The following PRKAA2 variants were observed in gnomAD, a reference collection of about 807,000 sequenced individuals.
PRKAA2 encodes protein kinase AMP-activated catalytic subunit alpha 2, also known as 5'-AMP-activated protein kinase catalytic subunit alpha-2.
In PRKAA2, 40 loss-of-function variants were observed where a neutral mutation model predicts 56.3. The ratio of observed to expected loss-of-function variants is 0.71; its 90% confidence interval spans 0.55 to 0.92. The LOEUF (loss-of-function observed/expected upper bound fraction) is 0.92. PRKAA2 is among the 40% of genes least tolerant of loss of function. The probability of loss-of-function intolerance (pLI) is 0.00; values close to 1 mark genes in which losing one functional copy is unlikely to be tolerated. For missense variants in PRKAA2, 542 were observed against 686.9 expected (o/e 0.79, Z 2.36); for synonymous variants, 214 against 234.2 (o/e 0.91, Z 0.79).
intron 1 of PRKAA2, among the ~76,000 whole-genome samples, chr1:56,669,184 C>T (rs1397087252): frequency 2.0e-5 from 3 of 152,106 alleles, no homozygotes; most frequent in Admixed American, 6.6e-5. Context: ...TTTGGCTGGG[C>T]ACGGTGGCTC....
intron 1 of PRKAA2, among the ~76,000 whole-genome samples, chr1:56,645,791 A>G (rs781116912): frequency 2.6e-5 from 4 of 152,134 alleles, no homozygotes; most frequent in Non-Finnish European, 5.9e-5. Context: ...TCTGGACCTC[A>G]GTGTCCTCCT....
intron 1 of PRKAA2, among the ~76,000 whole-genome samples, chr1:56,659,598 G>A (rs549920787): frequency 1.4e-3 from 211 of 151,734 alleles, no homozygotes; most frequent in African/African-American, 4.7e-3. Flanking sequence ...ATATTTTAAA[G>A]TTACAATCTA....
chr1:56,650,767 CGAA>C (rs1300539446), intron 1 of PRKAA2, among the ~76,000 whole-genome samples: 1 of 152,142 alleles, frequency 6.6e-6, no homozygotes, highest in East Asian at 1.9e-4. Flanking sequence ...CAAAGTCTCA[CGAA>C]GAAGTTACCC....
At chr1:56,667,594 C>G (rs867774412) in intron 1 of PRKAA2, among the ~76,000 whole-genome samples, 2 of 152,070 alleles carry the variant, frequency 1.3e-5, no homozygotes, top group African/African-American at 4.8e-5. Flanking sequence ...GATTTAAATA[C>G]TGATTTTGTC....
intron 1 of PRKAA2, among the ~76,000 whole-genome samples, chr1:56,659,218 G>C (rs1643973265): frequency 6.6e-6 from 1 of 151,566 alleles, no homozygotes; most frequent in Admixed American, 6.6e-5. Flanking sequence ...TTATTGGCTG[G>C]GCACGGTGGC....
intron 1 of PRKAA2, among the ~76,000 whole-genome samples, chr1:56,672,198 A>G (rs890067065): frequency 6.6e-6 from 1 of 151,792 alleles, no homozygotes; most frequent in Non-Finnish European, 1.5e-5. Context: ...GGTTACTACA[A>G]CCTCCGCCTC....
chr1:56,679,660 C>T (rs1644139526), intron 2 of PRKAA2, among the ~76,000 whole-genome samples: 1 of 152,072 alleles, frequency 6.6e-6, no homozygotes, highest in Non-Finnish European at 1.5e-5. Flanking sequence ...CAGCTGTTTC[C>T]TCTGCTTGGA....
chr1:56,678,205 G>A (rs568981000), intron 2 of PRKAA2, among the ~76,000 whole-genome samples: 1 of 152,274 alleles, frequency 6.6e-6, no homozygotes, highest in East Asian at 1.9e-4. Context: ...CTCTTTAATT[G>A]TAGATCTGAT....
intron 1 of PRKAA2, among the ~76,000 whole-genome samples, chr1:56,672,974 T>C (rs1644088545): frequency 1.3e-5 from 2 of 152,064 alleles, no homozygotes; most frequent in African/African-American, 4.8e-5. Context: ...GAAATAGCCA[T>C]TAGAAAAGGA....
chr1:56,647,902 C>T (rs1316882430), intron 1 of PRKAA2, among the ~76,000 whole-genome samples: 1 of 151,364 alleles, frequency 6.6e-6, no homozygotes, highest in Non-Finnish European at 1.5e-5. Flanking sequence ...TGGTGGTAGG[C>T]GCCTGTAATC....
chr1:56,651,107 A>G (rs1446248503), intron 1 of PRKAA2, among the ~76,000 whole-genome samples: 1 of 152,184 alleles, frequency 6.6e-6, no homozygotes, highest in Non-Finnish European at 1.5e-5. Flanking sequence ...CCTAAAGGAT[A>G]ACACTGGAGT....
rs948199317 is a variant in PRKAA2 at position 56,710,295 on chromosome 1, C to T, written c.*2582C>T. ...TTCCCAAAGTATATCCTGTGAGATG[C>T]TCCACAGAAAAAATGATTGCATGGA... On this transcript the variant is annotated 3_prime_UTR_variant, in exon 9 of 9. Coordinates refer to ENST00000371244, the MANE Select transcript of PRKAA2 (RefSeq NM_006252.4). 6.6e-6 allele frequency: 1 copy of T among 151,992 alleles called. No individual in the cohort carries two copies. The highest frequency in any genetic ancestry group is 1.5e-5 in the Non-Finnish European group (1 of 67,964). The allele number at this position is 151,992 out of a possible 1,614,324, so 9.4% of individuals were successfully genotyped here. A position where few individuals can be genotyped will look rare whatever the true frequency, so the allele number is the denominator to read the frequency against.
chr1:56,667,665 TAC>T (rs1301260948), intron 1 of PRKAA2, among the ~76,000 whole-genome samples: 1 of 152,128 alleles, frequency 6.6e-6, no homozygotes, highest in African/African-American at 2.4e-5. Context: ...AATTTCCTCA[TAC>T]AGTCATTAAA....
At chr1:56,686,140 AT>A in intron 2 of PRKAA2, among the ~76,000 whole-genome samples, 1 of 152,244 alleles carries the variant, frequency 6.6e-6, no homozygotes, top group African/African-American at 2.4e-5. Flanking sequence ...GACTTATTCT[AT>A]ATGTCCATAC....
intron 1 of PRKAA2, among the ~76,000 whole-genome samples, chr1:56,646,154 G>T (rs942442546): frequency 1.3e-5 from 2 of 152,100 alleles, no homozygotes; most frequent in Admixed American, 6.5e-5. Context: ...CTCGGTTGTT[G>T]GGGGTGACTG....
At chr1:56,697,609 T>C (rs1644267366) in intron 6 of PRKAA2, among the ~76,000 whole-genome samples, 1 of 152,152 alleles carries the variant, frequency 6.6e-6, no homozygotes, top group Non-Finnish European at 1.5e-5. Flanking sequence ...TTAATGACTT[T>C]TCCTTAGAAA....
chr1:56,662,323 T>C (rs1189243664), intron 1 of PRKAA2, among the ~76,000 whole-genome samples: 1 of 152,062 alleles, frequency 6.6e-6, no homozygotes, highest in Non-Finnish European at 1.5e-5. Flanking sequence ...TATATATCTT[T>C]GAGAAAAACA....
At chr1:56,691,225 G>A (rs1386589136) in intron 2 of PRKAA2, among the ~76,000 whole-genome samples, 169 bp from the exon 3 acceptor site, 1 of 152,158 alleles carries the variant, frequency 6.6e-6, no homozygotes, top group Non-Finnish European at 1.5e-5. Flanking sequence ...GAATAATTTT[G>A]TAATGGTCCG....
At chr1:56,675,552 G>A (rs1479384717) in intron 2 of PRKAA2, among the ~76,000 whole-genome samples, 1 of 152,128 alleles carries the variant, frequency 6.6e-6, no homozygotes, top group African/African-American at 2.4e-5. Flanking sequence ...CAAATGCCAT[G>A]CTGTTAATGC....
Sources: allele counts gnomAD v4.1 joint callset (sites outside exome capture counted in the v4.1 genomes callset), GRCh38; gene constraint gnomAD v4.1.1; transcripts MANE v1.5; gene names NCBI Gene and HGNC (gene_info 2026-07-23, HGNC 2026-07-21).